Variants in AGBL4 observed in about 807,000 individuals in gnomAD.
AGBL4 encodes the protein cytosolic carboxypeptidase 6.
In AGBL4, 58 loss-of-function variants were observed where a neutral mutation model predicts 66.4. The ratio of observed to expected loss-of-function variants is 0.87; its 90% CI spans 0.71 to 1.09. The LOEUF is 1.09. AGBL4 is among the 50% of genes least tolerant of loss of function. The pLI, the probability that AGBL4 is intolerant of heterozygous loss-of-function variation, is 0.00. For missense variants in AGBL4, 579 were observed against 631.0 expected (o/e 0.92, Z 0.88); for synonymous variants, 234 against 222.9 (o/e 1.05, Z -0.44).
chr1:48,969,874 T>C (rs1658767133), intron 5 of AGBL4, among the ~76,000 whole-genome samples: 1 of 152,178 alleles, frequency 6.6e-6, no homozygotes, highest in Non-Finnish European at 1.5e-5. Context: ...TTCCAGCACC[T>C]GATAATTGAC....
At chr1:49,947,719 AG>A (rs2148306821) in intron 1 of AGBL4, among the ~76,000 whole-genome samples, 1 of 151,306 alleles carries the variant, frequency 6.6e-6, no homozygotes, top group African/African-American at 2.4e-5. Flanking sequence ...AAAGAAATAA[AG>A]GGCATCCAAA....
At chr1:49,149,374 C>A (rs1337884709) in intron 4 of AGBL4, among the ~76,000 whole-genome samples, 1 of 152,134 alleles carries the variant, frequency 6.6e-6, no homozygotes, top group Non-Finnish European at 1.5e-5. Flanking sequence ...AACACACTTT[C>A]CTTGCACAAA....
intron 3 of AGBL4, among the ~76,000 whole-genome samples, chr1:49,314,301 T>C (rs1644997713): frequency 6.6e-6 from 1 of 152,042 alleles, no homozygotes; most frequent in South Asian, 2.1e-4. Context: ...GTTACATAGG[T>C]ATACACGTGC....
intron 1 of AGBL4, among the ~76,000 whole-genome samples, chr1:49,878,639 G>A (rs1482829180): frequency 6.6e-6 from 1 of 152,014 alleles, no homozygotes; most frequent in Non-Finnish European, 1.5e-5. Flanking sequence ...ATATTCTGTT[G>A]ATTTGGGGTG....
intron 11 of AGBL4, among the ~76,000 whole-genome samples, chr1:48,552,344 G>A (rs533053650): frequency 7.9e-5 from 12 of 152,274 alleles, no homozygotes; most frequent in African/African-American, 2.6e-4. Context: ...TTACAGGCAT[G>A]AGCCACTGCA....
At chr1:49,201,143 T>A (rs1647667404) in intron 4 of AGBL4, among the ~76,000 whole-genome samples, 1 of 152,178 alleles carries the variant, frequency 6.6e-6, no homozygotes. Flanking sequence ...TAGATGGGCT[T>A]GAAAGATCCA....
intron 3 of AGBL4, among the ~76,000 whole-genome samples, chr1:49,647,068 T>C (rs1645904052): frequency 6.6e-6 from 1 of 151,802 alleles, no homozygotes; most frequent in African/African-American, 2.4e-5. Flanking sequence ...AACCTGAAAT[T>C]ATAAAGACTT....
At chr1:48,622,731 G>T (rs1645436860) in intron 9 of AGBL4, among the ~76,000 whole-genome samples, 2 of 152,046 alleles carry the variant, frequency 1.3e-5, no homozygotes, top group Non-Finnish European at 2.9e-5. Context: ...TGATCCACCC[G>T]CCTTGGCCTC....
intron 5 of AGBL4, among the ~76,000 whole-genome samples, chr1:48,951,811 T>C (rs1251275039): frequency 1.3e-5 from 2 of 152,230 alleles, no homozygotes; most frequent in Admixed American, 1.3e-4. Flanking sequence ...CTGTGATTAG[T>C]ATTTTTGATG....
At chr1:49,355,142 G>A (rs1269123843) in intron 3 of AGBL4, among the ~76,000 whole-genome samples, 1 of 152,240 alleles carries the variant, frequency 6.6e-6, no homozygotes, top group African/African-American at 2.4e-5. Context: ...TTTCGAAGTC[G>A]ACTTTTTAAT....
At chr1:49,865,415 T>C (rs1291859332) in intron 1 of AGBL4, among the ~76,000 whole-genome samples, 1 of 152,180 alleles carries the variant, frequency 6.6e-6, no homozygotes, top group East Asian at 1.9e-4. Flanking sequence ...CATTTTGCTA[T>C]TCTGCAGCCT....
intron 3 of AGBL4, among the ~76,000 whole-genome samples, chr1:49,389,099 T>G (rs922850669): frequency 6.6e-6 from 1 of 152,116 alleles, no homozygotes; most frequent in Non-Finnish European, 1.5e-5. Flanking sequence ...AGAATTGGCT[T>G]GCTTGAAGGT....
At chr1:49,030,749 G>T (rs376576514) in intron 5 of AGBL4, among the ~76,000 whole-genome samples, 32 of 151,242 alleles carry the variant, frequency 2.1e-4, no homozygotes, top group African/African-American at 7.8e-4. Context: ...GTGCCAAAAA[G>T]GTTGGGGACC....
At chr1:49,482,755 T>C (rs1215763268) in intron 3 of AGBL4, among the ~76,000 whole-genome samples, 1 of 152,088 alleles carries the variant, frequency 6.6e-6, no homozygotes, top group Non-Finnish European at 1.5e-5. Flanking sequence ...GATGTGAGCA[T>C]TTAGTGCTAT....
intron 5 of AGBL4, among the ~76,000 whole-genome samples, chr1:48,940,431 A>G (rs1382486174): frequency 6.6e-6 from 1 of 152,210 alleles, no homozygotes; most frequent in African/African-American, 2.4e-5. Context: ...TGACGGGCTC[A>G]AAGTACACAG....
chr1:49,598,537 G>A (rs183550386), intron 3 of AGBL4, among the ~76,000 whole-genome samples: 116 of 152,282 alleles, frequency 7.6e-4, no homozygotes, highest in African/African-American at 2.3e-3. Context: ...GCGGATTTTC[G>A]TGAACCGCGA....
At chr1:48,805,319 A>G (rs537483417) in intron 6 of AGBL4, among the ~76,000 whole-genome samples, 1 of 152,286 alleles carries the variant, frequency 6.6e-6, no homozygotes, top group East Asian at 1.9e-4. Context: ...TTCAAAAGGC[A>G]AATTTGGGTT....
chr1:49,391,422 A>G (rs1420978128), intron 3 of AGBL4, among the ~76,000 whole-genome samples: 1 of 152,218 alleles, frequency 6.6e-6, no homozygotes, highest in Non-Finnish European at 1.5e-5. Context: ...TAGTGATCCA[A>G]AGAGCTAATG....
intron 5 of AGBL4, among the ~76,000 whole-genome samples, chr1:49,017,365 A>G (rs1259661831): frequency 6.6e-6 from 1 of 152,170 alleles, no homozygotes; most frequent in Non-Finnish European, 1.5e-5. Context: ...GAACCATCAC[A>G]AGGTTTGGTA....
Sources: gnomAD v4.1 joint callset for allele counts (sites outside exome capture counted in the v4.1 genomes callset) on GRCh38, gnomAD v4.1.1 for gene constraint, MANE v1.5 for transcripts, NCBI Gene and HGNC (gene_info 2026-07-23, HGNC 2026-07-21) for gene names.